TRIM58: variants seen among roughly 807,000 people sequenced by gnomAD.
The protein encoded by TRIM58 is E3 ubiquitin-protein ligase TRIM58.
A neutral mutation model predicts 34.1 loss-of-function variants in TRIM58; 38 were observed. The ratio of observed to expected loss-of-function variants is 1.12; its 90% CI spans 0.86 to 1.46. The LOEUF is 1.46. Among genes scored for constraint, TRIM58 ranks in the 40% most tolerant of loss-of-function variants. The pLI, the probability that TRIM58 is intolerant of heterozygous loss-of-function variation, is 0.00. For synonymous variants in TRIM58, 273 were observed against 275.7 expected, an observed-to-expected ratio of 0.99 and a Z score of 0.10; for missense variants, 677 against 642.0, an observed-to-expected ratio of 1.05 and a Z score of -0.59.
Position 247,860,621 on chromosome 1 carries a change from A to G in TRIM58, c.425A>G (p.Lys142Arg), listed in dbSNP as rs139660935. The change falls in exon 2 of 6, where the codon AAG (lysine) becomes AGG (arginine). Residue 142 changes from lysine (K) to arginine (R), a missense_variant. Physicochemically the swap from Lys to Arg is conservative, Grantham distance 26. Transcript: ENST00000366481. ...LQEAAGSYQV[K>R]LQMALELMRK... ...AGCTGAAATGTTCCCAAACAGGTAAAGCTCCAGATGGCTCTGGAACTTATG... is the reference window on the plus strand; with the variant it reads ...AGCTGAAATGTTCCCAAACAGGTAAGGCTCCAGATGGCTCTGGAACTTATG... The G allele has an allele frequency of 2.9e-5, 46 of 1,612,818 alleles. No individual in the cohort carries two copies. The highest frequency in any genetic ancestry group is 3.5e-5 in the Non-Finnish European group (41 of 1,179,288).
rs564521255 is a variant in TRIM58, at chr1:247,879,486, C to A, written c.*2997C>A. 2.6e-5 allele frequency among the ~76,000 whole-genome samples: 4 copies of A among 152,260 alleles called. No individual in the cohort carries two copies. The East Asian group carries it at 7.8e-4, about 30-fold the overall frequency. On this transcript the variant is annotated 3_prime_UTR_variant, in exon 6 of 6. Coordinates refer to ENST00000366481, the MANE Select transcript of TRIM58 (RefSeq NM_015431.4). ...CCTTTAGCACCCAAGGATATGTTGG[C>A]ATCACAGTGACTTAGATACCATCAC...
chr1:247,857,545 G>A lies in TRIM58; in HGVS notation c.299G>A (p.Gly100Asp). 7.8e-7 allele frequency: 1 copy of A among 1,280,896 alleles called. No individual in the cohort carries two copies. The highest frequency in any genetic ancestry group is 9.8e-7 in the Non-Finnish European group (1 of 1,018,772). The allele number at this position is 1,280,896 out of a possible 1,614,324, so 79.3% of individuals were successfully genotyped here. A position where few individuals can be genotyped will look rare whatever the true frequency, so the allele number is the denominator to read the frequency against. ...GPGARRCARH[G>D]EDLSRFCEED... ...GGGGCGCGGCGATGCGCGCGGCACGGCGAGGACCTGAGCCGCTTCTGCGAG... is the reference window on the plus strand; with the variant it reads ...GGGGCGCGGCGATGCGCGCGGCACGACGAGGACCTGAGCCGCTTCTGCGAG... The change falls in exon 1 of 6, where the codon GGC (glycine) becomes GAC (aspartate). Residue 100 changes from glycine to aspartate, a missense_variant. Gly to Asp is a moderately conservative substitution (Grantham distance 94). Transcript: ENST00000366481.
At chr1:247,873,066 A>T (rs555212798) in intron 5 of TRIM58, among the ~76,000 whole-genome samples, 11 of 152,248 alleles carry the variant, frequency 7.2e-5, no homozygotes, top group African/African-American at 2.4e-4. Context: ...CCTTGTCTCT[A>T]CTAAAAATAC....
At chr1:247,868,163 T>G in intron 5 of TRIM58, 100 bp downstream of exon 5, 1 of 984,816 alleles carries the variant, frequency 1.0e-6, no homozygotes, top group Non-Finnish European at 1.5e-6. Context: ...GCCTGGGGTT[T>G]GCCTCGTATT....
chr1:247,869,098 C>T (rs1664000085), intron 5 of TRIM58, among the ~76,000 whole-genome samples: 3 of 152,152 alleles, frequency 2.0e-5, no homozygotes. Context: ...CGGGGTCTCA[C>T]CATGTTAGCC....
In TRIM58 at chr1:247,879,086, A is replaced by G. The variant is rs1425678859; in HGVS notation, c.*2597A>G. Among the ~76,000 whole-genome samples, 2 of 151,726 alleles carry G rather than the reference A, an allele frequency of 1.3e-5. No individual in the cohort carries two copies. Among genetic ancestry groups the G allele is most frequent in the Non-Finnish European group, 2.9e-5 (2 of 68,014 alleles). On this transcript the variant is annotated 3_prime_UTR_variant, in exon 6 of 6. Coordinates refer to ENST00000366481, the MANE Select transcript of TRIM58 (RefSeq NM_015431.4). ...ATTCAGCTGTCCACTTGACATCAAAATAGACATTTTGAACTCAATTTGCCT... is the reference window on the plus strand; with the variant it reads ...ATTCAGCTGTCCACTTGACATCAAAGTAGACATTTTGAACTCAATTTGCCT...
At chr1:247,860,802 C>A in intron 2 of TRIM58, 90 bp downstream of exon 2, 3 of 1,023,320 alleles carry the variant, frequency 2.9e-6, no homozygotes, top group Non-Finnish European at 4.5e-6. Context: ...CATTCTCCAG[C>A]ACTTTTGTTC....
At chr1:247,868,975 C>T (rs12562817) in intron 5 of TRIM58, among the ~76,000 whole-genome samples, 28,150 of 152,108 alleles carry the variant, frequency 0.19, 2,774 homozygotes, top group East Asian at 0.37. Flanking sequence ...TCTCAGCTCA[C>T]TGCAACCTCC....
chr1:247,868,926 G>A (rs531964789), intron 5 of TRIM58, among the ~76,000 whole-genome samples: 1 of 149,448 alleles, frequency 6.7e-6, no homozygotes, highest in East Asian at 2.0e-4. Flanking sequence ...GTGTGATGAA[G>A]TCTTACTCTG....
chr1:247,857,701 C>T (rs939471689), intron 1 of TRIM58, 35 bp downstream of exon 1: 2 of 1,213,940 alleles, frequency 1.6e-6, no homozygotes, highest in Non-Finnish European at 2.0e-6. Context: ...GCGGGCGCTG[C>T]GGTGACCGGG....
At chr1:247,869,729 C>T (rs1323437581) in intron 5 of TRIM58, among the ~76,000 whole-genome samples, 1 of 152,144 alleles carries the variant, frequency 6.6e-6, no homozygotes, top group Non-Finnish European at 1.5e-5. Context: ...ATCAAGGAGA[C>T]AGTGTAGGGG....
chr1:247,862,305 A>G (rs567824135), intron 2 of TRIM58, among the ~76,000 whole-genome samples: 2 of 152,306 alleles, frequency 1.3e-5, no homozygotes, highest in Admixed American at 1.3e-4. Flanking sequence ...GATACTGACA[A>G]ACTTATCAAT....
At chr1:247,858,282 T>C (rs1249478442) in intron 1 of TRIM58, among the ~76,000 whole-genome samples, 2 of 152,086 alleles carry the variant, frequency 1.3e-5, no homozygotes, top group African/African-American at 2.4e-5. Context: ...AGGTGCTTCA[T>C]TTGGGGTGTA....
At position 247,864,937 on chromosome 1, in the gene TRIM58, T is replaced by C. The variant is rs1244949255; in HGVS notation, c.747+2T>C. On this transcript the variant is annotated splice_donor_variant, in intron 3 of 5. Transcript: ENST00000366481. LOFTEE classifies it high-confidence loss of function. ...CGCCCGGCCCTGGGTCTGCTGGAGG[T>C]GAGGCCGGGTGCCAGAAAAGCAGGC... 3 of 1,558,848 alleles carry C rather than the reference T, an allele frequency of 1.9e-6. No individual in the cohort carries two copies. Among genetic ancestry groups the C allele is most frequent in the South Asian group, 1.2e-5 (1 of 85,438 alleles).
rs977843263 is a variant in TRIM58 at position 247,857,296 on chromosome 1, C to G, written c.50C>G (p.Pro17Arg). Residue 17 changes from proline to arginine, a missense_variant, in exon 1 of 6, where the codon CCG (proline) becomes CGG (arginine). By Grantham distance (103) the Pro-to-Arg change is moderately radical. Transcript: ENST00000366481. Reference sequence around the variant, plus strand: ...CGGCTGCGCGAGGATGCGCGGTGCCCGGTGTGCCTGGATTTCCTGCAGGAG... The same window carrying G: ...CGGCTGCGCGAGGATGCGCGGTGCCGGGTGTGCCTGGATTTCCTGCAGGAG... ...GERLREDARCPVCLDFLQEPV... is the reference protein window; with the variant it reads ...GERLREDARCRVCLDFLQEPV... 1.4e-5 allele frequency: 19 copies of G among 1,405,904 alleles called. No individual in the cohort carries two copies. The highest frequency in any genetic ancestry group is 1.5e-5 in the Non-Finnish European group (16 of 1,071,832). The allele number at this position is 1,405,904 out of a possible 1,614,324, so 87.1% of individuals were successfully genotyped here. A position where few individuals can be genotyped will look rare whatever the true frequency, so the allele number is the denominator to read the frequency against.
At chr1:247,861,795 C>T (rs188893967) in intron 2 of TRIM58, among the ~76,000 whole-genome samples, 56 of 151,944 alleles carry the variant, frequency 3.7e-4, no homozygotes, top group African/African-American at 1.3e-3. Flanking sequence ...TAGATATATA[C>T]GGATAGGAAA....
At position 247,858,688 on chromosome 1, in the gene TRIM58, A is replaced by G. The variant is rs537466834; in HGVS notation, c.420+1022A>G. Among the ~76,000 whole-genome samples, 9 of 150,106 alleles carry G rather than the reference A, an allele frequency of 6.0e-5. No individual in the cohort carries two copies. In the South Asian group the frequency reaches 1.7e-3, roughly 28 times the overall value. On this transcript the variant is annotated intron_variant, in intron 1 of 5. Coordinates refer to ENST00000366481, the MANE Select transcript of TRIM58 (RefSeq NM_015431.4). Reference sequence around the variant, plus strand: ...TAGGTACTAGTACTAGGTAATTTCTAGCTAAACTTTTCTGGAATGTTCTTG... The same window carrying G: ...TAGGTACTAGTACTAGGTAATTTCTGGCTAAACTTTTCTGGAATGTTCTTG...
rs776632036 is a variant in TRIM58, at chr1:247,857,233, C to T, written c.-14C>T. 2 of 1,312,460 alleles carry T rather than the reference C, an allele frequency of 1.5e-6. No homozygotes were observed. Among genetic ancestry groups the T allele is most frequent in the Non-Finnish European group, 2.0e-6 (2 of 1,024,454 alleles). The allele number at this position is 1,312,460 out of a possible 1,614,324, so 81.3% of individuals were successfully genotyped here. ...TGCGGGCGGCCGGGAGCGCAGCCCT[C>T]CGGGAGGCGGGTCATGGCCTGGGCG... On this transcript the variant is annotated 5_prime_UTR_variant, in exon 1 of 6. Coordinates refer to ENST00000366481, the MANE Select transcript of TRIM58 (RefSeq NM_015431.4).
intron 5 of TRIM58, among the ~76,000 whole-genome samples, chr1:247,873,163 G>A (rs1484929058): frequency 6.6e-6 from 1 of 152,102 alleles, no homozygotes; most frequent in East Asian, 1.9e-4. Flanking sequence ...CCGGGAGATG[G>A]GGGTTGCAGT....
Sources: allele counts gnomAD v4.1 joint callset (sites outside exome capture counted in the v4.1 genomes callset), GRCh38; gene constraint gnomAD v4.1.1; transcripts MANE v1.5; gene names NCBI Gene and HGNC (gene_info 2026-07-23, HGNC 2026-07-21).